The following ANKRD44 variants were observed in gnomAD, a reference collection of about 807,000 sequenced individuals.
ANKRD44 encodes the protein ankyrin repeat domain 44.
ANKRD44 carries 35 observed loss-of-function variants against 116.0 expected under a neutral mutation model. The observed-to-expected ratio is 0.30, with a 90% confidence interval of 0.23 to 0.40. ANKRD44 has a LOEUF of 0.40. Among genes scored for constraint, ANKRD44 ranks in the 10% least tolerant of loss-of-function variants. ANKRD44 has a pLI of 1.00. For missense variants in ANKRD44, 1,014 were observed against 1,242.6 expected (o/e 0.82, Z 2.77); for synonymous variants, 435 against 461.8 (o/e 0.94, Z 0.74).
At chr2:197,003,422 G>A (rs779504955) in intron 21 of ANKRD44, among the ~76,000 whole-genome samples, 3 of 152,158 alleles carry the variant, frequency 2.0e-5, no homozygotes, top group Non-Finnish European at 2.9e-5. Flanking sequence ...AAAGGATCTA[G>A]CTTAGGGTAG....
chr2:197,277,677 C>T (rs561454340), intron 1 of ANKRD44, among the ~76,000 whole-genome samples: 4 of 152,146 alleles, frequency 2.6e-5, no homozygotes, highest in African/African-American at 4.8e-5. Context: ...GCAGCTAATA[C>T]TCAAGCCTTG....
intron 22 of ANKRD44, among the ~76,000 whole-genome samples, chr2:197,001,072 G>A (rs535876414): frequency 6.9e-6 from 1 of 144,726 alleles, no homozygotes. Context: ...AAATCTTTCT[G>A]ACTCTTTTTT....
chr2:197,041,798 A>G (rs962993233), intron 16 of ANKRD44, among the ~76,000 whole-genome samples: 2 of 152,174 alleles, frequency 1.3e-5, no homozygotes, highest in Non-Finnish European at 2.9e-5. Context: ...CCTCTCTTCA[A>G]AAATAAATCT....
At chr2:197,053,447 A>G (rs749210984) in intron 16 of ANKRD44, among the ~76,000 whole-genome samples, 18 of 152,150 alleles carry the variant, frequency 1.2e-4, no homozygotes, top group Non-Finnish European at 1.5e-4. Flanking sequence ...CTGTCTTTCT[A>G]TCCCATTCTC....
Position 197,120,651 on chromosome 2 carries a change from C to CA in ANKRD44, c.906+680dup, listed in dbSNP as rs1182281165. ...GGGTGACAAGAGCAAAACTCCATCT[C>CA]AAAAAAAAAAAGAAAGAAAAGAAAG... On this transcript the variant is annotated intron_variant, in intron 8 of 27. Transcript: ENST00000282272. Among the ~76,000 whole-genome samples the CA allele has an allele frequency of 7.1e-3, 1,009 of 142,452 alleles. 11 individuals are homozygous for CA. Among genetic ancestry groups the CA allele is most frequent in the African/African-American group, 0.022 (861 of 38,702 alleles). The allele number at this position is 142,452 out of a possible 152,430, so 93.5% of individuals were successfully genotyped here.
chr2:197,063,758 GA>G (rs1275922181), intron 16 of ANKRD44, among the ~76,000 whole-genome samples: 5 of 152,160 alleles, frequency 3.3e-5, no homozygotes, highest in African/African-American at 4.8e-5. Context: ...AGAGAAAAAA[GA>G]GTAAAAAGAA....
intron 21 of ANKRD44, among the ~76,000 whole-genome samples, chr2:197,005,186 A>G (rs1363017347): frequency 6.6e-6 from 1 of 152,206 alleles, no homozygotes; most frequent in Non-Finnish European, 1.5e-5. Flanking sequence ...TATAATTAGG[A>G]TGCATTTTTA....
chr2:197,001,551 A>T (rs2076115321), intron 22 of ANKRD44, among the ~76,000 whole-genome samples: 1 of 152,218 alleles, frequency 6.6e-6, no homozygotes, highest in Non-Finnish European at 1.5e-5. Context: ...CATCTTTGCC[A>T]CTTTGGAACT....
At chr2:197,183,605 G>A (rs1261635507) in intron 2 of ANKRD44, among the ~76,000 whole-genome samples, 1 of 152,128 alleles carries the variant, frequency 6.6e-6, no homozygotes, top group Non-Finnish European at 1.5e-5. Flanking sequence ...CATGACAAGA[G>A]GACATGCTGG....
intron 16 of ANKRD44, among the ~76,000 whole-genome samples, chr2:197,037,982 A>G (rs2076838405): frequency 1.3e-5 from 2 of 152,150 alleles, no homozygotes; most frequent in African/African-American, 4.8e-5. Context: ...CATTTTAAAA[A>G]CCAGGGGTTG....
At chr2:197,104,932 A>T (rs1232402168) in intron 9 of ANKRD44, among the ~76,000 whole-genome samples, 1 of 152,202 alleles carries the variant, frequency 6.6e-6, no homozygotes, top group African/African-American at 2.4e-5. Flanking sequence ...TTGTTTGAAA[A>T]TCAACTTGCT....
chr2:196,987,026 T>C lies in ANKRD44; in HGVS notation c.*2565A>G, dbSNP rs1254401481. 1 of 985,168 alleles carries C rather than the reference T, an allele frequency of 1.0e-6. No homozygotes were observed. Among genetic ancestry groups the C allele is most frequent in the Non-Finnish European group, 1.2e-6 (1 of 829,760 alleles). The allele number at this position is 985,168 out of a possible 1,614,324, so 61.0% of individuals were successfully genotyped here. ...GTGCTTTACAAAGATATATTGCACA[T>C]GCTAGAGCATAAAATATGTAGACAA... On this transcript the variant is annotated 3_prime_UTR_variant, in exon 28 of 28. Transcript: ENST00000282272.
At chr2:197,206,586 G>A (rs1471914436) in intron 1 of ANKRD44, among the ~76,000 whole-genome samples, 1 of 152,070 alleles carries the variant, frequency 6.6e-6, no homozygotes, top group Non-Finnish European at 1.5e-5. Context: ...GGGAGGCTGA[G>A]GTAGGAGAAT....
chr2:197,106,879 A>G (rs1409840795), intron 9 of ANKRD44, among the ~76,000 whole-genome samples: 1 of 151,624 alleles, frequency 6.6e-6, no homozygotes. Flanking sequence ...GTTATCTGAA[A>G]ACATGTTTTC....
At chr2:197,207,999 T>C (rs950454164) in intron 1 of ANKRD44, among the ~76,000 whole-genome samples, 1 of 152,196 alleles carries the variant, frequency 6.6e-6, no homozygotes, top group Non-Finnish European at 1.5e-5. Context: ...GGGAGTTTTG[T>C]TGCTATTATT....
At chr2:197,063,769 A>G (rs2077370685) in intron 16 of ANKRD44, among the ~76,000 whole-genome samples, 1 of 152,218 alleles carries the variant, frequency 6.6e-6, no homozygotes, top group Admixed American at 6.5e-5. Context: ...AGTAAAAAGA[A>G]ACGAACAAAG....
intron 10 of ANKRD44, among the ~76,000 whole-genome samples, chr2:197,093,409 A>AT (rs1189197370): frequency 1.3e-5 from 2 of 151,950 alleles, no homozygotes; most frequent in Non-Finnish European, 1.5e-5. Flanking sequence ...ACATTCGCTG[A>AT]TTTTTTTTCA....
chr2:196,989,611 C>G lies in ANKRD44; in HGVS notation c.2962G>C (p.Ala988Pro). The change falls in exon 28 of 28, where the codon GCT (alanine) becomes CCT (proline). Residue 988 changes from alanine to proline, a missense_variant. Ala to Pro is a conservative substitution (Grantham distance 27). Transcript: ENST00000282272. Reference protein sequence around the residue: ...SNGPRSTPGTAVQKEE With the variant: ...SNGPRSTPGTPVQKEE ...GAGTCTCATTCTTCTTTTTGTACAG[C>G]GGTTCCAGGTGTGGAACGGGGTCCA... 6.5e-7 allele frequency: 1 copy of G among 1,549,988 alleles called. No homozygotes were observed. Among genetic ancestry groups the G allele is most frequent in the Non-Finnish European group, 8.7e-7 (1 of 1,146,690 alleles).
chr2:196,987,731 G>A lies in ANKRD44; in HGVS notation c.*1860C>T. Reference sequence around the variant, plus strand: ...TATTTAGCAAAGACAGGCAGACACTGGCAAATAAGTAAGTGCAATGAAACA... The same window carrying A: ...TATTTAGCAAAGACAGGCAGACACTAGCAAATAAGTAAGTGCAATGAAACA... On this transcript the variant is annotated 3_prime_UTR_variant, in exon 28 of 28. Transcript: ENST00000282272. 2 of 985,308 alleles carry A rather than the reference G, an allele frequency of 2.0e-6. No individual in the cohort carries two copies. Among genetic ancestry groups the A allele is most frequent in the Non-Finnish European group, 1.2e-6 (1 of 829,888 alleles). The allele number at this position is 985,308 out of a possible 1,614,324, so 61.0% of individuals were successfully genotyped here.
Sources: allele counts gnomAD v4.1 joint callset (sites outside exome capture counted in the v4.1 genomes callset), GRCh38; gene constraint gnomAD v4.1.1; transcripts MANE v1.5; gene names NCBI Gene and HGNC (gene_info 2026-07-23, HGNC 2026-07-21).